Variants in HPSE2 observed in about 807,000 individuals in gnomAD.
HPSE2 encodes the protein inactive heparanase-2.
A neutral mutation model predicts 60.5 loss-of-function variants in HPSE2; 38 were observed. That is an observed-to-expected ratio of 0.63 (90% CI 0.48 to 0.82). The LOEUF is 0.82. Among genes scored for constraint, HPSE2 ranks in the 40% least tolerant of loss-of-function variants. The pLI is 0.00. For missense variants in HPSE2, 713 were observed against 740.4 expected, an observed-to-expected ratio of 0.96 and a Z score of 0.43; for synonymous variants, 295 against 293.2, an observed-to-expected ratio of 1.01 and a Z score of -0.06.
chr10:98,537,557 G>A (rs999570139), intron 9 of HPSE2, among the ~76,000 whole-genome samples: 6 of 152,004 alleles, frequency 3.9e-5, no homozygotes, highest in Non-Finnish European at 7.4e-5. Flanking sequence ...AGGAATAACC[G>A]GCGGGTATAG....
chr10:99,294,158 A>C, the HPSE2 span, among the ~76,000 whole-genome samples: 15 of 152,012 alleles, frequency 9.9e-5, no homozygotes, highest in East Asian at 9.7e-4. Context: ...TTGCACCTAA[A>C]TTAACACATC....
intron 2 of HPSE2, among the ~76,000 whole-genome samples, chr10:99,213,671 T>C (rs1371623790): frequency 6.6e-6 from 1 of 151,876 alleles, no homozygotes; most frequent in Non-Finnish European, 1.5e-5. Flanking sequence ...AAATGAGGCA[T>C]TAAGAATTAT....
intron 9 of HPSE2, among the ~76,000 whole-genome samples, chr10:98,594,933 G>T (rs1219835520): frequency 6.6e-6 from 1 of 152,124 alleles, no homozygotes; most frequent in East Asian, 1.9e-4. Context: ...AGTGTGCAAA[G>T]GATGTTCTTT....
intron 3 of HPSE2, among the ~76,000 whole-genome samples, chr10:99,119,912 G>A (rs1033710649): frequency 4.6e-5 from 7 of 152,140 alleles, no homozygotes; most frequent in Admixed American, 2.0e-4. Flanking sequence ...ATTGAAGCTG[G>A]ACCCCTTCCT....
rs183518679 is a variant in HPSE2, at chr10:98,511,005, C to A, written c.1321-20809G>T. Among the ~76,000 whole-genome samples the A allele has an allele frequency of 3.5e-4, 53 of 152,200 alleles. 2 individuals carry two copies. In the East Asian group the frequency reaches 0.01, roughly 29 times the overall value. ...AATTGAAACACATATTCAAATTCTACAAAGTTATGTATTGACTCTAAACTT... is the reference window on the plus strand; with the variant it reads ...AATTGAAACACATATTCAAATTCTAAAAAGTTATGTATTGACTCTAAACTT... On this transcript the variant is annotated intron_variant, in intron 9 of 11. Coordinates refer to ENST00000370552, the MANE Select transcript of HPSE2 (RefSeq NM_021828.5).
intron 2 of HPSE2, among the ~76,000 whole-genome samples, chr10:99,152,546 T>A (rs1167356649): frequency 6.6e-6 from 1 of 152,192 alleles, no homozygotes; most frequent in East Asian, 1.9e-4. Context: ...ATGTTTTAGT[T>A]ATACCATATA....
intron 3 of HPSE2, among the ~76,000 whole-genome samples, chr10:99,031,630 T>C (rs1180670324): frequency 6.6e-6 from 1 of 152,178 alleles, no homozygotes; most frequent in Non-Finnish European, 1.5e-5. Flanking sequence ...GAGGTATGAT[T>C]GGAGAGAATT....
At chr10:98,968,027 C>A (rs2135257174) in intron 3 of HPSE2, among the ~76,000 whole-genome samples, 1 of 152,244 alleles carries the variant, frequency 6.6e-6, no homozygotes, top group South Asian at 2.1e-4. Flanking sequence ...GACTGAAAAT[C>A]ATAGACTTCC....
chr10:99,092,356 A>C (rs1477022361), intron 3 of HPSE2, among the ~76,000 whole-genome samples: 4 of 152,200 alleles, frequency 2.6e-5, no homozygotes, highest in Admixed American at 1.3e-4. Flanking sequence ...AGCATTAATA[A>C]TCAGGTCAGT....
chr10:98,500,998 G>T (rs1048026001), intron 9 of HPSE2, among the ~76,000 whole-genome samples: 8 of 152,038 alleles, frequency 5.3e-5, no homozygotes, highest in Admixed American at 1.3e-4. Context: ...AAGTCAGGAA[G>T]AATTTGATAC....
Position 98,482,663 on chromosome 10 carries a change from G to A in HPSE2, c.1586C>T (p.Pro529Leu). ...DKLVHQYLLQPYGQEGLKSKS... is the reference protein window; with the variant it reads ...DKLVHQYLLQLYGQEGLKSKS... ...GGACTTTAGGCCCTCCTGCCCATAG[G>A]GCTGCAGCAGGTACTGGTGAACCAG... Residue 529 changes from proline to leucine, a missense_variant, in exon 11 of 12, where the codon CCC (proline) becomes CTC (leucine). Physicochemically the swap from Pro to Leu is moderately conservative, Grantham distance 98. Coordinates refer to ENST00000370552, the MANE Select transcript of HPSE2 (RefSeq NM_021828.5). 1 of 1,614,130 alleles carries A rather than the reference G, an allele frequency of 6.2e-7. No individual in the cohort carries two copies. The highest frequency in any genetic ancestry group is 8.5e-7 in the Non-Finnish European group (1 of 1,180,036).
At chr10:98,998,280 T>A (rs1271202943) in intron 3 of HPSE2, among the ~76,000 whole-genome samples, 1 of 152,228 alleles carries the variant, frequency 6.6e-6, no homozygotes, top group African/African-American at 2.4e-5. Context: ...TTCATTTTCT[T>A]TTCAAATACT....
intron 11 of HPSE2, among the ~76,000 whole-genome samples, chr10:98,473,443 C>A (rs540604156): frequency 7.0e-6 from 1 of 142,160 alleles, no homozygotes; most frequent in African/African-American, 2.6e-5. Context: ...CGAGATTGCA[C>A]CACTGCGCTC....
intron 3 of HPSE2, among the ~76,000 whole-genome samples, chr10:98,793,828 A>G (rs961087299): frequency 4.9e-4 from 74 of 152,232 alleles, no homozygotes; most frequent in African/African-American, 1.7e-3. Context: ...AGCAAGTACA[A>G]AGGTTTGAAA....
intron 3 of HPSE2, among the ~76,000 whole-genome samples, chr10:98,755,515 G>T (rs1192682599): frequency 6.6e-6 from 1 of 152,130 alleles, no homozygotes; most frequent in Admixed American, 6.5e-5. Context: ...TTGACCAAAT[G>T]GACCTAACAG....
chr10:98,562,842 CT>C (rs1944231648), intron 9 of HPSE2, among the ~76,000 whole-genome samples: 1 of 150,148 alleles, frequency 6.7e-6, no homozygotes, highest in South Asian at 2.1e-4. Context: ...CTTTTTTATT[CT>C]TTTTTTATTT....
Position 98,864,184 on chromosome 10 carries a change from A to C in HPSE2, c.611-120128T>G, listed in dbSNP as rs147584385. On this transcript the variant is annotated intron_variant, in intron 3 of 11. Transcript: ENST00000370552. ...GGAAACTTAAGATGACTAATAAACT[A>C]ATAAGCTAATAATAAGCAATGGCTA... 6.8e-4 allele frequency among the ~76,000 whole-genome samples: 104 copies of C among 152,268 alleles called. 1 individual carries two copies. The highest frequency in any genetic ancestry group is 2.4e-3 in the African/African-American group (101 of 41,558).
intron 8 of HPSE2, among the ~76,000 whole-genome samples, chr10:98,620,280 T>G (rs940022930): frequency 6.6e-6 from 1 of 152,182 alleles, no homozygotes; most frequent in African/African-American, 2.4e-5. Flanking sequence ...CCCAAGACTA[T>G]AGTGAAAATT....
At chr10:99,157,285 C>T (rs1302740702) in intron 2 of HPSE2, among the ~76,000 whole-genome samples, 1 of 57,712 alleles carries the variant, frequency 1.7e-5, no homozygotes, top group Non-Finnish European at 3.9e-5. Flanking sequence ...AAAGAGCCCG[C>T]ATCGCCAAGT....
Sources: allele counts gnomAD v4.1 joint callset (sites outside exome capture counted in the v4.1 genomes callset), GRCh38; gene constraint gnomAD v4.1.1; transcripts MANE v1.5; gene names NCBI Gene and HGNC (gene_info 2026-07-23, HGNC 2026-07-21).